The following STAG2 variants were observed in gnomAD, a reference collection of about 807,000 sequenced individuals.
STAG2 encodes cohesin subunit SA-2.
In STAG2, 14 loss-of-function variants were observed where a neutral mutation model predicts 108.1. The ratio of observed to expected loss-of-function variants is 0.13; its 90% CI spans 0.09 to 0.20. The LOEUF is 0.20. Ranked by LOEUF, STAG2 falls within the 10% of genes least tolerant of loss-of-function variation. STAG2 has a pLI of 1.00. For missense variants in STAG2, 440 were observed against 940.9 expected (o/e 0.47, Z 6.96); for synonymous variants, 307 against 302.7 (o/e 1.01, Z -0.15).
At chrX:123,969,559 T>TA (rs1216247365) in intron 1 of STAG2, among the ~76,000 whole-genome samples, 1 of 111,801 alleles carries the variant, frequency 8.9e-6, no homozygotes, top group Non-Finnish European at 1.9e-5. Flanking sequence ...TTCTTGTTCT[T>TA]ACTGTTATCA....
intron 1 of STAG2, chrX:123,962,095 TC>T (rs1195008262): frequency 9.0e-6 from 1 of 111,284 alleles, no homozygotes; most frequent in Non-Finnish European, 1.9e-5. Context: ...ACTGAGCTGA[TC>T]CTTGCCCCAG....
At chrX:124,015,179 G>A (rs1479305063) in intron 1 of STAG2, among the ~76,000 whole-genome samples, 1 of 105,437 alleles carries the variant, frequency 9.5e-6, no homozygotes, top group East Asian at 3.0e-4. Context: ...GTAGAGATGG[G>A]GTTTCACCGT....
intron 24 of STAG2, 23 bp downstream of exon 24, chrX:124,068,679 A>C (rs2058596732): frequency 9.6e-7 from 1 of 1,041,485 alleles, no homozygotes; most frequent in African/African-American, 1.9e-5. Flanking sequence ...TATAGATGGT[A>C]ATCTTTTTGT....
rs1256983266 is a variant in STAG2, at chrX:124,078,050, C to T, written c.2767C>T (p.Leu923=). 1.7e-6 allele frequency: 2 copies of T among 1,179,508 alleles called. No homozygotes were observed. Among genetic ancestry groups the T allele is most frequent in the East Asian group, 3.0e-5 (1 of 33,128 alleles). ...GTGTGCTAAGACCCTTATTCTCAGT[C>T]TGCAACAGGTAAGCATTAAGAGTAC... ...IQCAKTLILS[L]QQLFNEMIQE... Residue 923 remains leucine, a synonymous_variant, in exon 27 of 35, where the codon CTG becomes TTG. Coordinates refer to ENST00000371145, the MANE Select transcript of STAG2 (RefSeq NM_001042750.2).
At chrX:123,969,962 T>TG (rs996243887) in intron 1 of STAG2, among the ~76,000 whole-genome samples, 1 of 101,532 alleles carries the variant, frequency 9.8e-6, no homozygotes, top group African/African-American at 3.7e-5. Flanking sequence ...GTTTTTTTTT[T>TG]TTTTTTTTTT....
intron 7 of STAG2, 93 bp downstream of exon 7, chrX:124,042,738 C>A: frequency 1.6e-6 from 1 of 632,127 alleles, no homozygotes; most frequent in Non-Finnish European, 2.5e-6. Flanking sequence ...TTAGGCTGGG[C>A]ATGGTGGCTC....
intron 1 of STAG2, among the ~76,000 whole-genome samples, chrX:123,993,357 T>C (rs946513090): frequency 8.9e-6 from 1 of 111,771 alleles, no homozygotes; most frequent in Non-Finnish European, 1.9e-5. Context: ...TTGAAATCTA[T>C]ATGGAATGAA....
At chrX:124,056,067 A>T in intron 13 of STAG2, 61 bp from the exon 14 acceptor site, 2 of 688,899 alleles carry the variant, frequency 2.9e-6, no homozygotes, top group Non-Finnish European at 4.2e-6. Context: ...AAGTTTTTGT[A>T]CTGTTAATAT....
At chrX:124,043,287 C>G (rs1191836254) in intron 7 of STAG2, among the ~76,000 whole-genome samples, 2 of 108,251 alleles carry the variant, frequency 1.8e-5, no homozygotes, top group Non-Finnish European at 3.8e-5. Flanking sequence ...CACCACCACA[C>G]CTGAATAATT....
At chrX:123,980,209 C>T (rs2147644281) in intron 1 of STAG2, among the ~76,000 whole-genome samples, 1 of 111,555 alleles carries the variant, frequency 9.0e-6, no homozygotes, top group East Asian at 2.8e-4. Context: ...TATTATGTAA[C>T]TGTGGTTCAG....
intron 4 of STAG2, among the ~76,000 whole-genome samples, chrX:124,030,558 G>C (rs756206005): frequency 1.8e-5 from 2 of 112,043 alleles, no homozygotes; most frequent in South Asian, 7.4e-4. Flanking sequence ...TGCTGGGTAT[G>C]TTGCTAAGTA....
intron 3 of STAG2, among the ~76,000 whole-genome samples, chrX:124,023,474 T>C (rs980522085): frequency 8.9e-5 from 10 of 111,993 alleles, no homozygotes; most frequent in African/African-American, 3.2e-4. Flanking sequence ...AATTTTGTTA[T>C]CTTCAGTGGA....
At chrX:124,098,727 T>C (rs771533370) in intron 34 of STAG2, among the ~76,000 whole-genome samples, 12 of 112,369 alleles carry the variant, frequency 1.1e-4, no homozygotes, top group South Asian at 3.6e-4. Flanking sequence ...ATAAAAAATA[T>C]CTTTTTAAAC....
Position 123,995,783 on chromosome X carries a change from T to C in STAG2, c.-162-25584T>C, listed in dbSNP as rs183571244. ...ATGAATGGCGCTTAAATAAGAAAAA[T>C]AGAGAAGTGCTTATTAAAATGACAG... On this transcript the variant is annotated intron_variant, in intron 1 of 34. Coordinates refer to ENST00000371145, the MANE Select transcript of STAG2 (RefSeq NM_001042750.2). Among the ~76,000 whole-genome samples the C allele has an allele frequency of 1.4e-3, 162 of 111,868 alleles. No homozygotes were observed. In the Admixed American group the frequency reaches 0.015, roughly 10 times the overall value.
At chrX:124,072,904 C>CTTTTTTTTTT (rs779996801) in intron 25 of STAG2, among the ~76,000 whole-genome samples, 6 of 72,697 alleles carry the variant, frequency 8.3e-5, no homozygotes, top group Non-Finnish European at 1.0e-4. Context: ...TTCTTTCTTT[C>CTTTTTTTTTT]TTTTTTTTTT....
At chrX:123,994,167 C>T in intron 1 of STAG2, among the ~76,000 whole-genome samples, 1 of 111,827 alleles carries the variant, frequency 8.9e-6, no homozygotes, top group African/African-American at 3.2e-5. Flanking sequence ...GGGAAGTGGA[C>T]ACATTCAAAG....
chrX:123,962,802 A>G (rs774189901), intron 1 of STAG2, among the ~76,000 whole-genome samples: 1 of 111,318 alleles, frequency 9.0e-6, no homozygotes, highest in East Asian at 2.8e-4. Context: ...TTCTCCCACC[A>G]TAAAGCCCCA....
At chrX:124,043,918 C>T (rs1360277997) in intron 7 of STAG2, among the ~76,000 whole-genome samples, 9 of 111,332 alleles carry the variant, frequency 8.1e-5, no homozygotes, top group East Asian at 5.6e-4. Context: ...GTTTGGGTCA[C>T]GGCTGTATTT....
intron 1 of STAG2, chrX:124,003,590 T>G (rs1478997407): frequency 9.2e-6 from 1 of 109,068 alleles, no homozygotes; most frequent in Non-Finnish European, 1.9e-5. Flanking sequence ...CCCGGCAATT[T>G]TTTTTGTATT....
Sources: gnomAD v4.1 joint callset for allele counts (sites outside exome capture counted in the v4.1 genomes callset) on GRCh38, gnomAD v4.1.1 for gene constraint, MANE v1.5 for transcripts, NCBI Gene and HGNC (gene_info 2026-07-23, HGNC 2026-07-21) for gene names.